Variants in KDM2A observed in about 807,000 individuals in gnomAD.
KDM2A encodes the protein lysine-specific demethylase 2A.
In KDM2A, 3 loss-of-function variants were observed where a neutral mutation model predicts 137.3. That is an observed-to-expected ratio of 0.02 (90% CI 0.01 to 0.06). The LOEUF (loss-of-function observed/expected upper bound fraction) is 0.06, where lower values mean the gene tolerates loss of function less well. Ranked by LOEUF, KDM2A falls within the 10% of genes least tolerant of loss-of-function variation. KDM2A has a pLI of 1.00. For synonymous variants in KDM2A, 512 were observed against 541.5 expected (o/e 0.95, Z 0.76); for missense variants, 738 against 1,510.6 (o/e 0.49, Z 8.48).
chr11:67,133,801 A>G (rs1461063453), intron 2 of KDM2A, among the ~76,000 whole-genome samples: 1 of 151,756 alleles, frequency 6.6e-6, no homozygotes, highest in East Asian at 1.9e-4. Flanking sequence ...TCCCAGGTTC[A>G]AGCGATTCTC....
rs1859183688 is a variant in KDM2A, at chr11:67,245,711, T to G, written c.1833+253T>G. ...GCATTTGAAGGGCAAATCATTGCTTTCTTTCCCCTCTTCAGGTAGATTAGA... is the reference window on the plus strand; with the variant it reads ...GCATTTGAAGGGCAAATCATTGCTTGCTTTCCCCTCTTCAGGTAGATTAGA... On this transcript the variant is annotated intron_variant, in intron 14 of 20. Coordinates refer to ENST00000529006, the MANE Select transcript of KDM2A (RefSeq NM_012308.3). This position sits in a 1 kb window ranked among gnomAD's most constrained non-coding sequence, Gnocchi z 4.1. 3.3e-6 allele frequency: 2 copies of G among 602,612 alleles called. No homozygotes were observed. The highest frequency in any genetic ancestry group is 2.9e-6 in the Non-Finnish European group (1 of 347,700). The allele number at this position is 602,612 out of a possible 1,614,324, so 37.3% of individuals were successfully genotyped here.
In KDM2A at chr11:67,254,917, C is replaced by G. The variant is rs1859552898; in HGVS notation, c.3351C>G (p.Arg1117=). ...ACCAGACCCTGATCTACCTACGGCG[C>G]ATTGCCAACGTCACCTTGATCGACC... ...LTDQTLIYLR[R]IANVTLIDLR... is the part of the protein sequence containing the mutation. Residue 1117 remains arginine, a synonymous_variant, in exon 21 of 21, where the codon CGC becomes CGG. Coordinates refer to ENST00000529006, the MANE Select transcript of KDM2A (RefSeq NM_012308.3). This position sits in a 1 kb window ranked among gnomAD's most constrained non-coding sequence, Gnocchi z 4.7. 6.2e-7 allele frequency: 1 copy of G among 1,614,038 alleles called. No individual in the cohort carries two copies. Among genetic ancestry groups the G allele is most frequent in the East Asian group, 2.2e-5 (1 of 44,892 alleles).
intron 12 of KDM2A, chr11:67,240,037 G>C: frequency 7.7e-7 from 1 of 1,304,958 alleles, no homozygotes; most frequent in Non-Finnish European, 9.7e-7. Context: ...TCCCCCTCCT[G>C]CCATCTTCCG....
intron 2 of KDM2A, among the ~76,000 whole-genome samples, chr11:67,125,653 C>G (rs1398420241): frequency 6.6e-6 from 1 of 151,600 alleles, no homozygotes; most frequent in Non-Finnish European, 1.5e-5. Context: ...GTGGTGCGTG[C>G]CTGTAATCCC....
At chr11:67,120,259 C>T (rs1855568708) in intron 1 of KDM2A, among the ~76,000 whole-genome samples, 1 of 152,230 alleles carries the variant, frequency 6.6e-6, no homozygotes, top group Non-Finnish European at 1.5e-5. Context: ...AGCACGGTTT[C>T]CCTCCCGACT....
chr11:67,203,903 C>T (rs994743390), intron 5 of KDM2A, among the ~76,000 whole-genome samples: 1 of 151,378 alleles, frequency 6.6e-6, no homozygotes, highest in Non-Finnish European at 1.5e-5. Flanking sequence ...TGAATTCAAG[C>T]AAATCTCTTG....
intron 11 of KDM2A, among the ~76,000 whole-genome samples, chr11:67,229,002 G>A (rs1378788846): frequency 6.6e-6 from 1 of 152,162 alleles, no homozygotes; most frequent in Non-Finnish European, 1.5e-5. Flanking sequence ...AATTACAGGT[G>A]TGAGCCACCA....
At chr11:67,247,064 TATATATA>T (rs200977410) in intron 15 of KDM2A, among the ~76,000 whole-genome samples, 100 of 33,402 alleles carry the variant, frequency 3.0e-3, no homozygotes, top group East Asian at 7.9e-3. Context: ...TATATATATA[TATATATA>T]TTTTTTTTTT....
At chr11:67,219,950 ATTTT>A (rs1418945314) in intron 10 of KDM2A, among the ~76,000 whole-genome samples, 1 of 151,854 alleles carries the variant, frequency 6.6e-6, no homozygotes, top group Non-Finnish European at 1.5e-5. Flanking sequence ...TTTTTTTAAA[ATTTT>A]ATTTTATTTT....
intron 5 of KDM2A, among the ~76,000 whole-genome samples, chr11:67,202,291 A>G (rs1857646993): frequency 6.6e-6 from 1 of 152,194 alleles, no homozygotes; most frequent in East Asian, 1.9e-4. Context: ...TGTTAAAATA[A>G]CAAGGTATTT....
chr11:67,133,713 GTTTT>G (rs1307311035), intron 2 of KDM2A, among the ~76,000 whole-genome samples: 1 of 145,418 alleles, frequency 6.9e-6, no homozygotes, highest in African/African-American at 2.5e-5. Context: ...TCCAACTGTG[GTTTT>G]TTTTTTGAGA....
intron 2 of KDM2A, among the ~76,000 whole-genome samples, chr11:67,163,030 T>G (rs960254925): frequency 6.6e-6 from 1 of 152,194 alleles, no homozygotes; most frequent in African/African-American, 2.4e-5. Context: ...TTTCTTAAAG[T>G]TAGGAATTGA....
intron 5 of KDM2A, among the ~76,000 whole-genome samples, chr11:67,198,709 CAAA>C (rs756235125): frequency 9.3e-5 from 6 of 64,404 alleles, no homozygotes; most frequent in Non-Finnish European, 6.5e-5. Context: ...GACTCTGTCT[CAAA>C]AAAAAAAAAA....
intron 3 of KDM2A, among the ~76,000 whole-genome samples, chr11:67,180,685 C>T (rs1352523713): frequency 6.6e-6 from 1 of 151,808 alleles, no homozygotes; most frequent in Non-Finnish European, 1.5e-5. Context: ...CGGAGTCTTG[C>T]TGTGTCACCC....
At chr11:67,189,811 C>T (rs1218903856) in intron 5 of KDM2A, among the ~76,000 whole-genome samples, 2 of 152,014 alleles carry the variant, frequency 1.3e-5, no homozygotes, top group Non-Finnish European at 2.9e-5. Flanking sequence ...TGCACTCCAG[C>T]CGGGGCAACA....
In KDM2A at chr11:67,255,554, C is replaced by T. The variant is rs1000426563; in HGVS notation, c.*499C>T. On this transcript the variant is annotated 3_prime_UTR_variant, in exon 21 of 21. Coordinates refer to ENST00000529006, the MANE Select transcript of KDM2A (RefSeq NM_012308.3). ...CTTGCGCAGGAGGGGCCAGCAGCCC[C>T]AGGAGTCCCAGACCCGTGCCGATCA... 7 of 456,738 alleles carry T rather than the reference C, an allele frequency of 1.5e-5. No individual in the cohort carries two copies. Among genetic ancestry groups the T allele is most frequent in the Non-Finnish European group, 3.1e-5 (7 of 227,074 alleles). 28.3% of individuals were successfully genotyped at this position (456,738 alleles called of 1,614,324 possible).
chr11:67,233,953 C>T (rs1014765153), intron 12 of KDM2A, among the ~76,000 whole-genome samples: 2 of 152,106 alleles, frequency 1.3e-5, no homozygotes, highest in African/African-American at 4.8e-5. Flanking sequence ...GAACAAGTAG[C>T]CAGTGAGATG....
At chr11:67,196,868 T>A (rs1446767727) in intron 5 of KDM2A, 1 of 158,622 alleles carries the variant, frequency 6.3e-6, no homozygotes, top group Admixed American at 5.9e-5. Context: ...GAACATTTTA[T>A]GTTTTTTGTA....
chr11:67,206,618 C>A (rs961815257), intron 5 of KDM2A, among the ~76,000 whole-genome samples: 3 of 152,058 alleles, frequency 2.0e-5, no homozygotes, highest in Non-Finnish European at 4.4e-5. Context: ...TGCCTGTAGT[C>A]CCAGCTACTG....
Sources: allele counts gnomAD v4.1 joint callset (sites outside exome capture counted in the v4.1 genomes callset), GRCh38; gene constraint gnomAD v4.1.1; non-coding constraint Gnocchi (gnomAD v3.1); transcripts MANE v1.5; gene names NCBI Gene and HGNC (gene_info 2026-07-23, HGNC 2026-07-21).